FAM210A: variants seen among roughly 807,000 people sequenced by gnomAD.
FAM210A encodes the protein family with sequence similarity 210 member A.
A neutral mutation model predicts 25.3 loss-of-function variants in FAM210A; 13 were observed. The observed-to-expected ratio is 0.51, with a 90% CI of 0.33 to 0.82. FAM210A has a LOEUF of 0.82. Ranked by LOEUF, FAM210A falls within the 40% of genes least tolerant of loss-of-function variation. The pLI is 0.02. For synonymous variants in FAM210A, 125 were observed against 118.7 expected (o/e 1.05, Z -0.35); for missense variants, 319 against 323.2 (o/e 0.99, Z 0.10).
At chr18:13,716,417 G>A (rs1601969676) in intron 1 of FAM210A, among the ~76,000 whole-genome samples, 1 of 152,272 alleles carries the variant, frequency 6.6e-6, no homozygotes, top group East Asian at 1.9e-4. Context: ...GTCCAGGGAT[G>A]GGCATGTGAC....
rs1382475645 is a variant in FAM210A at position 13,673,779 on chromosome 18, C to T, written c.474-1806G>A. Among the ~76,000 whole-genome samples, 7 of 148,182 alleles carry T rather than the reference C, an allele frequency of 4.7e-5. No individual in the cohort carries two copies. In the East Asian group the frequency reaches 1.3e-3, roughly 27 times the overall value. On this transcript the variant is annotated intron_variant, in intron 2 of 3. Transcript: ENST00000651643. ...TATTAACATTCCTGAGCCCCGACTT[C>T]ATTTCCAGTTTCCTGATTATTAACA...
intron 1 of FAM210A, among the ~76,000 whole-genome samples, chr18:13,705,964 T>A (rs2043775128): frequency 6.6e-6 from 1 of 152,206 alleles, no homozygotes. Flanking sequence ...ACTGATGTTA[T>A]AACACTAAGT....
chr18:13,695,301 T>C (rs1158704111), intron 1 of FAM210A, among the ~76,000 whole-genome samples: 1 of 152,220 alleles, frequency 6.6e-6, no homozygotes, highest in African/African-American at 2.4e-5. Context: ...TGGAAGACAG[T>C]GTGGCGATTC....
intron 1 of FAM210A, among the ~76,000 whole-genome samples, chr18:13,705,145 T>G (rs1240578292): frequency 6.6e-6 from 1 of 152,228 alleles, no homozygotes; most frequent in East Asian, 1.9e-4. Context: ...GAAAATACTT[T>G]GCCAGATTTT....
Position 13,665,450 on chromosome 18 carries a change from GAC to G in FAM210A, c.*1028_*1029del, listed in dbSNP as rs941536386. ...ACAAGGATATTTCCCTTCAATGTAA[GAC>G]AAAAAGCAGCAGCCACAATTTAAAA... On this transcript the variant is annotated 3_prime_UTR_variant, in exon 4 of 4. Transcript: ENST00000651643. The G allele has an allele frequency of 6.8e-5, 9 of 133,308 alleles. No individual in the cohort carries two copies. The allele number at this position is 133,308 out of a possible 1,614,324, so 8.3% of individuals were successfully genotyped here.
intron 1 of FAM210A, chr18:13,687,659 G>A (rs558581091): frequency 1.3e-5 from 2 of 152,318 alleles, no homozygotes; most frequent in Admixed American, 1.3e-4. Context: ...CCCACCCTAA[G>A]GAGAATCATG....
At chr18:13,708,305 C>A (rs759926136) in intron 1 of FAM210A, among the ~76,000 whole-genome samples, 31 of 152,214 alleles carry the variant, frequency 2.0e-4, no homozygotes, top group Non-Finnish European at 3.4e-4. Context: ...GATGTCCATG[C>A]CCTCTCTGGG....
At chr18:13,701,718 C>T (rs751266061) in intron 1 of FAM210A, among the ~76,000 whole-genome samples, 2 of 152,124 alleles carry the variant, frequency 1.3e-5, no homozygotes, top group Non-Finnish European at 2.9e-5. Context: ...CTGAATAAAC[C>T]ACAATGCACT....
chr18:13,722,869 A>G (rs546333431), intron 1 of FAM210A, among the ~76,000 whole-genome samples: 11 of 149,270 alleles, frequency 7.4e-5, no homozygotes, highest in African/African-American at 2.7e-4. Context: ...TTTTTGAGAC[A>G]GTCTCACTCT....
At chr18:13,724,064 C>T (rs2043916020) in intron 1 of FAM210A, among the ~76,000 whole-genome samples, 1 of 151,904 alleles carries the variant, frequency 6.6e-6, no homozygotes, top group Non-Finnish European at 1.5e-5. Flanking sequence ...AAAATTATAC[C>T]TCTGAGAGAA....
In FAM210A at chr18:13,666,356, T is replaced by G; in HGVS notation, c.*124A>C. ...ACTTTAAAAAGGTATTTTACTTCTT[T>G]AACCCTCAGAGAACTAGTATATTTC... On this transcript the variant is annotated 3_prime_UTR_variant, in exon 4 of 4. Transcript: ENST00000651643. The G allele has an allele frequency of 1.4e-6, 1 of 694,592 alleles. No homozygotes were observed. Among genetic ancestry groups the G allele is most frequent in the East Asian group, 2.7e-5 (1 of 36,916 alleles). The allele number at this position is 694,592 out of a possible 1,614,324, so 43.0% of individuals were successfully genotyped here.
Position 13,724,914 on chromosome 18 carries a change from C to G in FAM210A, c.-29+1415G>C, listed in dbSNP as rs145739970. Among the ~76,000 whole-genome samples, 591 of 152,250 alleles carry G rather than the reference C, an allele frequency of 3.9e-3. 4 individuals are homozygous for G. Among genetic ancestry groups the G allele is most frequent in the East Asian group, 0.026 (137 of 5,182 alleles). On this transcript the variant is annotated intron_variant, in intron 1 of 3. Transcript: ENST00000651643. ...TCAGCCTCCTGAGTAGCTGGGATTA[C>G]AGGCACGCGCCACCACGCCTGGCTA...
intron 2 of FAM210A, among the ~76,000 whole-genome samples, chr18:13,672,463 C>T (rs1398113154): frequency 1.3e-5 from 2 of 152,184 alleles, no homozygotes; most frequent in African/African-American, 2.4e-5. Flanking sequence ...GGCTGGAGTG[C>T]AGTGGCGCAA....
At chr18:13,673,576 C>A in intron 2 of FAM210A, among the ~76,000 whole-genome samples, 1 of 151,238 alleles carries the variant, frequency 6.6e-6, no homozygotes, top group Non-Finnish European at 1.5e-5. Flanking sequence ...TTTCCAGTTT[C>A]CTGATTATTA....
At position 13,722,454 on chromosome 18, in the gene FAM210A, A is replaced by T. The variant is rs147515448; in HGVS notation, c.-29+3875T>A. Among the ~76,000 whole-genome samples, 26 of 152,232 alleles carry T rather than the reference A, an allele frequency of 1.7e-4. 1 individual carries two copies. The East Asian group carries it at 4.8e-3, about 28-fold the overall frequency. On this transcript the variant is annotated intron_variant, in intron 1 of 3. Transcript: ENST00000651643. ...TCTTGCAAGGTAACTACCTCAAGGG[A>T]GGTCATTACAGGTTCTTCAGGCAAA...
At chr18:13,695,156 A>G (rs1236868750) in intron 1 of FAM210A, among the ~76,000 whole-genome samples, 1 of 152,184 alleles carries the variant, frequency 6.6e-6, no homozygotes, top group Non-Finnish European at 1.5e-5. Context: ...AATCAAAACC[A>G]CAATGAGATA....
chr18:13,711,169 C>T (rs372488736), intron 1 of FAM210A, among the ~76,000 whole-genome samples: 4 of 152,274 alleles, frequency 2.6e-5, no homozygotes, highest in East Asian at 1.9e-4. Context: ...GTCAGGAGTT[C>T]GAGACCAGTC....
In FAM210A at chr18:13,666,630, G is replaced by C; in HGVS notation, c.669C>G (p.Ser223=). ...VKYLRSHGYM[S]TPPPVKEYLQ... ...GATACTCCTTGACGGGTGGCGGCGT[G>C]GACATGTAGCCATGACTGCGCAGAT... is the stretch of plus-strand genomic sequence containing the variant. The change falls in exon 4 of 4, where the codon TCC becomes TCG. Residue 223 remains serine (S), a synonymous_variant. Transcript: ENST00000651643. 6.2e-7 allele frequency: 1 copy of C among 1,614,104 alleles called. No homozygotes were observed. Among genetic ancestry groups the C allele is most frequent in the South Asian group, 1.1e-5 (1 of 91,078 alleles).
intron 1 of FAM210A, among the ~76,000 whole-genome samples, chr18:13,724,722 T>C (rs1048453048): frequency 1.3e-5 from 2 of 152,230 alleles, no homozygotes; most frequent in Non-Finnish European, 2.9e-5. Context: ...CCCATCATCG[T>C]GGAGTTTTCA....
Sources: allele counts gnomAD v4.1 joint callset (sites outside exome capture counted in the v4.1 genomes callset), GRCh38; gene constraint gnomAD v4.1.1; transcripts MANE v1.5; gene names NCBI Gene and HGNC (gene_info 2026-07-23, HGNC 2026-07-21).